The following COL4A6 variants were observed in gnomAD, a reference collection of about 807,000 sequenced individuals.
COL4A6 encodes the protein collagen type IV alpha 6 chain, also known as collagen alpha-6(IV) chain.
In COL4A6, 59 loss-of-function variants were observed where a neutral mutation model predicts 126.7. That is an observed-to-expected ratio of 0.47 (90% confidence interval 0.38 to 0.58). The LOEUF is 0.58. COL4A6 is among the 20% of genes least tolerant of loss of function. COL4A6 has a pLI of 0.00. For missense variants in COL4A6, 1,285 were observed against 1,337.3 expected (o/e 0.96, Z 0.61); for synonymous variants, 547 against 496.6 (o/e 1.10, Z -1.35).
chrX:108,293,081 A>G (rs1039369506), intron 3 of COL4A6, among the ~76,000 whole-genome samples: 6 of 102,236 alleles, frequency 5.9e-5, no homozygotes, highest in Admixed American at 1.1e-4. Context: ...TGCCGGGACC[A>G]TTTTATCCTT....
intron 2 of COL4A6, among the ~76,000 whole-genome samples, chrX:108,315,707 T>C (rs980179972): frequency 8.9e-6 from 1 of 111,804 alleles, no homozygotes; most frequent in African/African-American, 3.3e-5. Context: ...TAAACCCAGC[T>C]CAACCATCTT....
At chrX:108,243,299 C>T (rs772478722) in intron 3 of COL4A6, among the ~76,000 whole-genome samples, 19 of 96,717 alleles carry the variant, frequency 2.0e-4, no homozygotes, top group Non-Finnish European at 3.1e-4. Flanking sequence ...TATGTTGAAG[C>T]CCCCCTCCCC....
intron 2 of COL4A6, among the ~76,000 whole-genome samples, chrX:108,345,432 C>T (rs1477589048): frequency 9.0e-6 from 1 of 111,679 alleles, no homozygotes; most frequent in African/African-American, 3.3e-5. Context: ...GTGGACAAGG[C>T]AGATACATGT....
At position 108,381,134 on chromosome X, in the gene COL4A6, T is replaced by C. The variant is rs552204680; in HGVS notation, c.63+56808A>G. On this transcript the variant is annotated intron_variant, in intron 2 of 44. Coordinates refer to ENST00000334504, the MANE Select transcript of COL4A6 (RefSeq NM_033641.4). Reference sequence around the variant, plus strand: ...TATTATTAAATTATAGGTTATCTTATTTATTATCTTCTATTTGTTTGTCTT... The same window carrying C: ...TATTATTAAATTATAGGTTATCTTACTTATTATCTTCTATTTGTTTGTCTT... Among the ~76,000 whole-genome samples, 34 of 112,199 alleles carry C rather than the reference T, an allele frequency of 3.0e-4. 1 individual carries two copies. In the South Asian group the frequency reaches 0.012, roughly 40 times the overall value.
intron 3 of COL4A6, among the ~76,000 whole-genome samples, chrX:108,236,378 G>GC (rs1223918137): frequency 9.0e-6 from 1 of 111,190 alleles, no homozygotes; most frequent in Non-Finnish European, 1.9e-5. Context: ...AAGTGTATCT[G>GC]CAAGAGGAAA....
At chrX:108,331,861 T>G (rs1167837525) in intron 2 of COL4A6, among the ~76,000 whole-genome samples, 3 of 111,158 alleles carry the variant, frequency 2.7e-5, no homozygotes, top group Non-Finnish European at 5.7e-5. Context: ...TTTATTGATT[T>G]TTATAGATTT....
At chrX:108,312,403 A>G (rs759538439) in intron 2 of COL4A6, among the ~76,000 whole-genome samples, 16 of 112,201 alleles carry the variant, frequency 1.4e-4, no homozygotes, top group Non-Finnish European at 2.8e-4. Context: ...CTCTCTTATA[A>G]GCCCTTGACA....
chrX:108,298,366 G>T (rs1308976527), intron 3 of COL4A6, among the ~76,000 whole-genome samples: 1 of 112,687 alleles, frequency 8.9e-6, no homozygotes. Context: ...CGGCGGGTCA[G>T]ACAGGGCATT....
chrX:108,326,797 C>G (rs866097848), intron 2 of COL4A6, among the ~76,000 whole-genome samples: 1 of 111,853 alleles, frequency 8.9e-6, no homozygotes, highest in South Asian at 3.7e-4. Context: ...AAAATTAACT[C>G]AAAATATATT....
chrX:108,190,844 C>T (rs1044232173), intron 19 of COL4A6, among the ~76,000 whole-genome samples: 1 of 112,444 alleles, frequency 8.9e-6, no homozygotes, highest in African/African-American at 3.2e-5. Flanking sequence ...AGGTGCAAGC[C>T]GCAGTGGACA....
chrX:108,285,009 A>G (rs963337), intron 3 of COL4A6, among the ~76,000 whole-genome samples: 29,283 of 110,784 alleles, frequency 0.26, 3,217 homozygotes, highest in East Asian at 0.61. Flanking sequence ...TCCAAACAGC[A>G]AGGTCTTACT....
intron 3 of COL4A6, among the ~76,000 whole-genome samples, chrX:108,251,406 C>T (rs2036847962): frequency 9.0e-6 from 1 of 111,449 alleles, no homozygotes; most frequent in African/African-American, 3.3e-5. Flanking sequence ...TCTTGGCTAA[C>T]TCCTTCTCTC....
intron 2 of COL4A6, among the ~76,000 whole-genome samples, chrX:108,419,049 T>C (rs1156924886): frequency 8.9e-6 from 1 of 112,228 alleles, no homozygotes; most frequent in African/African-American, 3.2e-5. Flanking sequence ...TAGTAGAAAA[T>C]TTGCTTAAGA....
intron 3 of COL4A6, among the ~76,000 whole-genome samples, chrX:108,240,863 A>G (rs1467673441): frequency 8.9e-6 from 1 of 112,336 alleles, no homozygotes; most frequent in African/African-American, 3.2e-5. Flanking sequence ...ATGGTTTTGC[A>G]TTTTGAATCA....
At chrX:108,324,051 G>T (rs1261010808) in intron 2 of COL4A6, among the ~76,000 whole-genome samples, 2 of 112,196 alleles carry the variant, frequency 1.8e-5, no homozygotes, top group Admixed American at 1.9e-4. Context: ...ATAGCTTTAG[G>T]AAAATCATTA....
intron 3 of COL4A6, among the ~76,000 whole-genome samples, chrX:108,296,687 TG>T (rs1180636360): frequency 5.8e-4 from 65 of 111,826 alleles, no homozygotes; most frequent in African/African-American, 2.0e-3. Flanking sequence ...ACAGTCGTAG[TG>T]ATGGTGGTGA....
chrX:108,200,547 A>G (rs2035359883), intron 13 of COL4A6, among the ~76,000 whole-genome samples: 1 of 111,970 alleles, frequency 8.9e-6, no homozygotes, highest in Non-Finnish European at 1.9e-5. Context: ...AAAAAAATTT[A>G]TCTCATGGAG....
intron 2 of COL4A6, among the ~76,000 whole-genome samples, chrX:108,349,484 G>A (rs932128958): frequency 3.6e-5 from 4 of 111,992 alleles, no homozygotes; most frequent in African/African-American, 1.3e-4. Flanking sequence ...ATTAGCATCT[G>A]TGGGACCTCA....
chrX:108,232,410 C>T (rs2036332931), intron 3 of COL4A6, among the ~76,000 whole-genome samples: 1 of 111,745 alleles, frequency 8.9e-6, no homozygotes, highest in African/African-American at 3.3e-5. Flanking sequence ...GTTGAATGAG[C>T]CCCCATATCA....
Sources: gnomAD v4.1 joint callset for allele counts (sites outside exome capture counted in the v4.1 genomes callset) on GRCh38, gnomAD v4.1.1 for gene constraint, MANE v1.5 for transcripts, NCBI Gene and HGNC (gene_info 2026-07-23, HGNC 2026-07-21) for gene names.